The following GREP1 variants were observed in gnomAD, a reference collection of about 807,000 sequenced individuals.
GREP1 encodes the protein glycine rich extracellular protein 1, also known as glycine-rich extracellular protein 1.
chr16:2,994,667 G>T, intron 10 of GREP1, 31 bp from the exon 12 acceptor site: 1 of 399,056 alleles, frequency 2.5e-6, no homozygotes, highest in South Asian at 1.3e-4. Flanking sequence ...CCAGGGCTCC[G>T]GAGGGCCTTA....
At chr16:2,995,428 G>C in exon 15 of GREP1, 1 of 398,960 alleles carries the variant, frequency 2.5e-6, no homozygotes, top group Non-Finnish European at 4.4e-6. Context: ...TGGGCTGAGT[G>C]CTCAGCCAGG....
intron 29 of GREP1, 78 bp downstream of exon 26, chr16:3,000,196 G>C (rs557159483): frequency 1.5e-4 from 59 of 399,324 alleles, no homozygotes; most frequent in Admixed American, 2.2e-4. Context: ...CTGTCTGTCC[G>C]CATCCCCCTG....
At chr16:3,000,324 A>G in exon 30 of GREP1, 2 of 399,292 alleles carry the variant, frequency 5.0e-6, no homozygotes, top group Non-Finnish European at 8.8e-6. Flanking sequence ...CCTGGGAGCC[A>G]GGGTCTTCCC....
Position 2,988,629 on chromosome 16 carries a change from G to A in GREP1, c.100+7G>A, listed in dbSNP as rs2072383212. 1 of 399,288 alleles carries A rather than the reference G, an allele frequency of 2.5e-6. No individual in the cohort carries two copies. 24.7% of individuals were successfully genotyped at this position (399,288 alleles called of 1,614,324 possible). Reference sequence around the variant, plus strand: ...CCTCCTGGCCTGGGGAAAGGTAGGTGGGCCCTCTGGCACTGGGGTCAGGAA... The same window carrying A: ...CCTCCTGGCCTGGGGAAAGGTAGGTAGGCCCTCTGGCACTGGGGTCAGGAA... On this transcript the variant is annotated splice_region_variant and intron_variant, in intron 2 of 34. Transcript: ENST00000573315.
exon 14 of GREP1, chr16:2,995,296 A>C (rs550985702): frequency 2.5e-6 from 1 of 398,866 alleles, no homozygotes; most frequent in East Asian, 3.6e-5. Flanking sequence ...TTTAGAGGGG[A>C]CATGAAGGCA....
Position 2,996,546 on chromosome 16 carries a change from G to T in GREP1, c.712+15G>T. The T allele has an allele frequency of 2.5e-6, 1 of 399,400 alleles. No individual in the cohort carries two copies. Among genetic ancestry groups the T allele is most frequent in the South Asian group, 1.3e-4 (1 of 7,866 alleles). The allele number at this position is 399,400 out of a possible 1,614,324, so 24.7% of individuals were successfully genotyped here. On this transcript the variant is annotated intron_variant, in intron 19 of 34. Transcript: ENST00000573315. Reference sequence around the variant, plus strand: ...AGTCCAGCCAGGTGAGGGCAGCTGGGCCTGGCTCGCGAGGGGTCGGGAGGT... The same window carrying T: ...AGTCCAGCCAGGTGAGGGCAGCTGGTCCTGGCTCGCGAGGGGTCGGGAGGT...
exon 13 of GREP1, chr16:2,994,947 C>A (rs1596462186): frequency 2.5e-6 from 1 of 399,188 alleles, no homozygotes; most frequent in East Asian, 3.6e-5. Flanking sequence ...CAGAATTGGG[C>A]TGGGAGCCCA....
intron 5 of GREP1, 150 bp downstream of exon 5, chr16:2,990,272 C>A: frequency 2.5e-6 from 1 of 397,928 alleles, no homozygotes; most frequent in Non-Finnish European, 4.4e-6. Flanking sequence ...GGTCTTGTAC[C>A]CCCACCTCAG....
chr16:2,992,091 T>C lies in GREP1; in HGVS notation c.323-714T>C, dbSNP rs1417050119. 6.6e-6 allele frequency: 1 copy of C among 152,574 alleles called. No individual in the cohort carries two copies. Among genetic ancestry groups the C allele is most frequent in the African/African-American group, 2.4e-5 (1 of 41,432 alleles). 9.5% of individuals were successfully genotyped at this position (152,574 alleles called of 1,614,324 possible). A position where few individuals can be genotyped will look rare whatever the true frequency, so the allele number is the denominator to read the frequency against. On this transcript the variant is annotated intron_variant, in intron 8 of 34. Transcript: ENST00000573315. The surrounding 1 kb of genome is among the most constrained non-coding windows in gnomAD (Gnocchi z 4.9). ...CACATCCGGCCCTGCCTCTGCTTCC[T>C]CCTTCTACTCGGTCTCCCAAGATCT...
chr16:2,994,560 T>C (rs1022742071), intron 10 of GREP1, 138 bp from the exon 12 acceptor site: 1 of 397,890 alleles, frequency 2.5e-6, no homozygotes, highest in African/African-American at 2.1e-5. Flanking sequence ...GAGCTGGAGC[T>C]TGACAGTTGG....
At chr16:2,993,597 G>A (rs925088486) in intron 10 of GREP1, 12 of 152,220 alleles carry the variant, frequency 7.9e-5, no homozygotes, top group African/African-American at 2.7e-4. Context: ...AGCCCAGGAA[G>A]TCGAGGTAGT....
rs150029486 is a variant in GREP1, at chr16:2,989,604, G to T, written c.130+52G>T. The T allele has an allele frequency of 2.5e-6, 1 of 400,816 alleles. No homozygotes were observed. The highest frequency in any genetic ancestry group is 4.4e-6 in the Non-Finnish European group (1 of 227,422). 24.8% of individuals were successfully genotyped at this position (400,816 alleles called of 1,614,324 possible). ...CGTCTGAGGGCAGGGCACGGGGCAGGGGGGAGGCAGGACAGGAACAGGGAA... is the reference window on the plus strand; with the variant it reads ...CGTCTGAGGGCAGGGCACGGGGCAGTGGGGAGGCAGGACAGGAACAGGGAA... On this transcript the variant is annotated intron_variant, in intron 3 of 34. Coordinates refer to ENST00000573315, the Ensembl canonical transcript of GREP1. The surrounding 1 kb of genome is among the most constrained non-coding windows in gnomAD (Gnocchi z 4.2).
At chr16:3,001,940 G>C (rs2072464347) in exon 35 of GREP1, 1 of 301,824 alleles carries the variant, frequency 3.3e-6, no homozygotes, top group African/African-American at 2.1e-5. Flanking sequence ...TAGGGGCCTT[G>C]TGCATGGAAA....
exon 35 of GREP1, chr16:3,001,660 G>T (rs2072462842): frequency 2.5e-6 from 1 of 399,122 alleles, no homozygotes; most frequent in Non-Finnish European, 4.4e-6. Flanking sequence ...TGCCTGGCCG[G>T]GGGTCTCCTC....
exon 18 of GREP1, chr16:2,995,864 G>A (rs2072422047): frequency 5.0e-6 from 2 of 398,304 alleles, no homozygotes; most frequent in Non-Finnish European, 8.8e-6. Context: ...CAGGATATGG[G>A]AAAAGGCTGA....
At chr16:2,988,284 C>T in exon 1 of GREP1, 2 of 399,208 alleles carry the variant, frequency 5.0e-6, no homozygotes, top group South Asian at 1.3e-4. Flanking sequence ...GTCATGGGCG[C>T]CTGGGCCTTC....
At chr16:2,993,600 G>A (rs929775190) in intron 10 of GREP1, 1 of 152,146 alleles carries the variant, frequency 6.6e-6, no homozygotes, top group South Asian at 2.1e-4. Flanking sequence ...CCAGGAAGTC[G>A]AGGTAGTAGT....
chr16:3,000,894 C>CCCT (rs2072458148), intron 33 of GREP1, 67 bp downstream of exon 27: 1 of 398,082 alleles, frequency 2.5e-6, no homozygotes, highest in African/African-American at 2.1e-5. Context: ...GGGCCCTGGG[C>CCCT]CCAGGTCTAC....
Position 2,992,742 on chromosome 16 carries a change from C to T in GREP1, c.323-63C>T. On this transcript the variant is annotated intron_variant, in intron 8 of 34. Coordinates refer to ENST00000573315, the Ensembl canonical transcript of GREP1. The surrounding 1 kb of genome is among the most constrained non-coding windows in gnomAD (Gnocchi z 4.9). ...CGAGACAGAAAGGGAGAGGGCAGGG[C>T]TCCAGGCCCCAGCTCATCCCCACTG... 1 of 399,072 alleles carries T rather than the reference C, an allele frequency of 2.5e-6. No homozygotes were observed. The highest frequency in any genetic ancestry group is 4.4e-6 in the Non-Finnish European group (1 of 226,178). 24.7% of individuals were successfully genotyped at this position (399,072 alleles called of 1,614,324 possible). A position where few individuals can be genotyped will look rare whatever the true frequency, so the allele number is the denominator to read the frequency against.
Sources: gnomAD v4.1 joint callset for allele counts on GRCh38, gnomAD v4.1.1 for gene constraint, Gnocchi (gnomAD v3.1) non-coding constraint, MANE v1.5 for transcripts, NCBI Gene and HGNC (gene_info 2026-07-23, HGNC 2026-07-21) for gene names.